ADD3: variants seen among roughly 807,000 people sequenced by gnomAD.
ADD3 encodes gamma-adducin.
In ADD3, 25 loss-of-function variants were observed where a neutral mutation model predicts 80.2. The observed-to-expected ratio is 0.31, with a 90% confidence interval of 0.23 to 0.44. The LOEUF (loss-of-function observed/expected upper bound fraction) is 0.44, where lower values mean the gene tolerates loss of function less well. Among genes scored for constraint, ADD3 ranks in the 20% least tolerant of loss-of-function variants. The pLI is 1.00. For missense variants in ADD3, 829 were observed against 847.5 expected (o/e 0.98, Z 0.27); for synonymous variants, 284 against 289.6 (o/e 0.98, Z 0.20).
intron 1 of ADD3, among the ~76,000 whole-genome samples, chr10:110,028,956 C>T (rs541507818): frequency 1.1e-4 from 16 of 151,650 alleles, no homozygotes; most frequent in East Asian, 7.8e-4. Context: ...CTCGGCTCAC[C>T]GCAACCTCCG....
At chr10:110,080,560 A>G (rs974836448) in intron 1 of ADD3, among the ~76,000 whole-genome samples, 1 of 152,248 alleles carries the variant, frequency 6.6e-6, no homozygotes, top group Non-Finnish European at 1.5e-5. Flanking sequence ...GTCAATTTCA[A>G]AAGTATAAAA....
intron 1 of ADD3, among the ~76,000 whole-genome samples, chr10:110,028,543 C>T (rs552116251): frequency 8.5e-5 from 13 of 152,100 alleles, no homozygotes; most frequent in East Asian, 1.9e-4. Flanking sequence ...CCAGCCTGGG[C>T]GACAGAGTGA....
chr10:110,013,537 A>G (rs1852575456), intron 1 of ADD3, among the ~76,000 whole-genome samples: 1 of 152,246 alleles, frequency 6.6e-6, no homozygotes, highest in Non-Finnish European at 1.5e-5. Context: ...GGACAGTAAC[A>G]TAATGTCTTT....
chr10:110,093,465 C>T (rs1847796105), intron 1 of ADD3, among the ~76,000 whole-genome samples: 2 of 152,110 alleles, frequency 1.3e-5, no homozygotes, highest in South Asian at 2.1e-4. Context: ...AACTTAAATA[C>T]AATTTATTAT....
intron 1 of ADD3, among the ~76,000 whole-genome samples, chr10:110,051,508 G>A (rs374175312): frequency 1.3e-5 from 2 of 152,170 alleles, no homozygotes; most frequent in African/African-American, 4.8e-5. Context: ...AAATCTATAT[G>A]CCTGTTATAG....
chr10:110,032,804 C>T (rs1268600665), intron 1 of ADD3, among the ~76,000 whole-genome samples: 1 of 152,168 alleles, frequency 6.6e-6, no homozygotes, highest in African/African-American at 2.4e-5. Flanking sequence ...ATGCTGTATA[C>T]ATGTTGTTAT....
intron 1 of ADD3, among the ~76,000 whole-genome samples, chr10:110,034,146 G>C (rs1424888870): frequency 6.6e-6 from 1 of 152,064 alleles, no homozygotes; most frequent in Non-Finnish European, 1.5e-5. Flanking sequence ...CTTAAGTTAT[G>C]AGTTAACAAA....
chr10:110,029,630 A>T (rs1023734437), intron 1 of ADD3, among the ~76,000 whole-genome samples: 27 of 152,210 alleles, frequency 1.8e-4, no homozygotes, highest in African/African-American at 6.3e-4. Flanking sequence ...TGTAGGCCTC[A>T]TCTGTGGTAA....
chr10:110,023,439 T>C (rs1046863366), intron 1 of ADD3, among the ~76,000 whole-genome samples: 1 of 152,216 alleles, frequency 6.6e-6, no homozygotes, highest in Non-Finnish European at 1.5e-5. Flanking sequence ...AGTATTCTAT[T>C]ATAGCAGCCT....
At chr10:110,015,492 C>A (rs979975019) in intron 1 of ADD3, among the ~76,000 whole-genome samples, 5 of 151,668 alleles carry the variant, frequency 3.3e-5, no homozygotes, top group African/African-American at 1.2e-4. Flanking sequence ...TCTCCTGCCT[C>A]AGCCTCCCAA....
chr10:110,023,626 C>T (rs1378361802), intron 1 of ADD3, among the ~76,000 whole-genome samples: 2 of 152,326 alleles, frequency 1.3e-5, no homozygotes, highest in South Asian at 2.1e-4. Flanking sequence ...ACTTGTACTA[C>T]TTAGAAATGA....
At chr10:110,006,818 GGAAAT>G (rs1442306319), upstream of ADD3, among the ~76,000 whole-genome samples, 3 of 152,072 alleles carry the variant, frequency 2.0e-5, no homozygotes, top group Admixed American at 1.3e-4. Flanking sequence ...GATGAGGAAA[GGAAAT>G]GAAGTGGATT....
chr10:110,008,125 G>A lies in ADD3; in HGVS notation c.-204G>A, dbSNP rs1851837471. The A allele has an allele frequency of 1.3e-5, 2 of 152,376 alleles. No homozygotes were observed. The highest frequency in any genetic ancestry group is 4.8e-5 in the African/African-American group (2 of 41,468). The allele number at this position is 152,376 out of a possible 1,614,324, so 9.4% of individuals were successfully genotyped here. ...AGGTGTCGCCGCTTCCTGCTGCACA[G>A]GGCTCGGCGTACAGGTCCCTCCCTC... On this transcript the variant is annotated 5_prime_UTR_variant, in exon 1 of 15. Coordinates refer to ENST00000356080, the MANE Select transcript of ADD3 (RefSeq NM_016824.5).
At chr10:110,045,608 T>C (rs1856828179) in intron 1 of ADD3, among the ~76,000 whole-genome samples, 1 of 152,144 alleles carries the variant, frequency 6.6e-6, no homozygotes, top group Admixed American at 6.5e-5. Context: ...ACTAGAAATA[T>C]CAAAATAAGA....
chr10:110,119,480 G>C lies in ADD3; in HGVS notation c.876G>C (p.Arg292Ser). The C allele has an allele frequency of 6.2e-7, 1 of 1,614,114 alleles. No individual in the cohort carries two copies. Reference sequence around the variant, plus strand: ...TTCTATTTTAGGTGCTGGTACTCAGGAATCATGGTGTGGTTGCACTTGGAG... The same window carrying C: ...TTCTATTTTAGGTGCTGGTACTCAGCAATCATGGTGTGGTTGCACTTGGAG... ...LGPSCKVLVL[R>S]NHGVVALGET... The change falls in exon 8 of 15, where the codon AGG (arginine) becomes AGC (serine). Residue 292 changes from arginine (R) to serine (S), a missense_variant. Coordinates refer to ENST00000356080, the MANE Select transcript of ADD3 (RefSeq NM_016824.5).
intron 1 of ADD3, among the ~76,000 whole-genome samples, chr10:110,059,777 TAAAAA>T (rs1339553203): frequency 5.3e-5 from 8 of 151,970 alleles, no homozygotes; most frequent in Non-Finnish European, 7.4e-5. Context: ...TCAAAAAAAA[TAAAAA>T]ATAAATAAAG....
intron 1 of ADD3, among the ~76,000 whole-genome samples, chr10:110,056,544 T>C (rs1384164247): frequency 1.3e-5 from 2 of 152,226 alleles, no homozygotes; most frequent in African/African-American, 4.8e-5. Flanking sequence ...TTTTTAGAAG[T>C]AGAAAATACC....
intron 1 of ADD3, among the ~76,000 whole-genome samples, chr10:109,997,286 G>T (rs931004547): frequency 3.9e-5 from 6 of 152,178 alleles, no homozygotes; most frequent in Non-Finnish European, 8.8e-5. Context: ...TCAGCATGGG[G>T]TCAGCCCCTA....
At chr10:110,117,305 C>T (rs1188495722) in intron 4 of ADD3, 37 bp from the exon 5 acceptor site, 2 of 1,079,084 alleles carry the variant, frequency 1.9e-6, no homozygotes, top group African/African-American at 3.1e-5. Flanking sequence ...AAAATATGAA[C>T]CACTTCATAG....
Sources: allele counts gnomAD v4.1 joint callset (sites outside exome capture counted in the v4.1 genomes callset), GRCh38; gene constraint gnomAD v4.1.1; transcripts MANE v1.5; gene names NCBI Gene and HGNC (gene_info 2026-07-23, HGNC 2026-07-21).